Variants in SDK1 observed in about 807,000 individuals in gnomAD.
SDK1 encodes the protein protein sidekick-1.
Under a neutral mutation model 245.5 loss-of-function variants are expected in SDK1, and 157 were observed. The observed-to-expected ratio is 0.64, with a 90% CI of 0.56 to 0.73. SDK1 has a LOEUF of 0.73. Ranked by LOEUF, SDK1 falls within the 30% of genes least tolerant of loss-of-function variation. The pLI is 0.00. For missense variants in SDK1, 3,583 were observed against 3,002.3 expected (o/e 1.19, Z -4.52); for synonymous variants, 1,647 against 1,278.5 (o/e 1.29, Z -6.15).
At chr7:3,950,739 A>G (rs1263292095) in intron 5 of SDK1, among the ~76,000 whole-genome samples, 184 bp from the exon 6 acceptor site, 2 of 152,154 alleles carry the variant, frequency 1.3e-5, no homozygotes, top group East Asian at 1.9e-4. Flanking sequence ...CTTTTGCACC[A>G]TCATAAAGTT....
At chr7:3,436,258 A>G (rs1398564020) in intron 1 of SDK1, among the ~76,000 whole-genome samples, 1 of 152,158 alleles carries the variant, frequency 6.6e-6, no homozygotes, top group African/African-American at 2.4e-5. Context: ...CTGACTTTAG[A>G]AAACTTTTTA....
rs186756685 is a variant in SDK1, at chr7:3,814,167, T to G, written c.714-7283T>G. Among the ~76,000 whole-genome samples, 264 of 151,116 alleles carry G rather than the reference T, an allele frequency of 1.7e-3. 2 individuals are homozygous for G. Among genetic ancestry groups the G allele is most frequent in the African/African-American group, 6.3e-3 (258 of 40,886 alleles). On this transcript the variant is annotated intron_variant, in intron 4 of 44. Coordinates refer to ENST00000404826, the MANE Select transcript of SDK1 (RefSeq NM_152744.4). ...TTTTGTTGCCATTGCTTTTGCTGTT[T>G]TGGACATAAAGTCCTTGCCCATGCC...
At chr7:3,679,198 A>C (rs1391992357) in intron 4 of SDK1, among the ~76,000 whole-genome samples, 1 of 152,240 alleles carries the variant, frequency 6.6e-6, no homozygotes, top group Non-Finnish European at 1.5e-5. Flanking sequence ...TGCCAGCCAC[A>C]TGTCTTTCAA....
In SDK1 at chr7:3,479,255, C is replaced by T. The variant is rs1223580532; in HGVS notation, c.299-139825C>T. On this transcript the variant is annotated intron_variant, in intron 1 of 44. Coordinates refer to ENST00000404826, the MANE Select transcript of SDK1 (RefSeq NM_152744.4). ...TGGCCAACGTGGCAAAACCCCGTCT[C>T]TACCAAAAACATAAAAATTAGCCAG... Among the ~76,000 whole-genome samples, 3 of 151,762 alleles carry T rather than the reference C, an allele frequency of 2.0e-5. No homozygotes were observed. In the South Asian group the frequency reaches 6.3e-4, roughly 32 times the overall value.
At chr7:3,840,451 G>C (rs2115086975) in intron 5 of SDK1, among the ~76,000 whole-genome samples, 1 of 152,278 alleles carries the variant, frequency 6.6e-6, no homozygotes, top group East Asian at 1.9e-4. Context: ...TACACAGCCA[G>C]GGTTGTGAAT....
chr7:3,383,835 A>G (rs1781547375), intron 1 of SDK1, among the ~76,000 whole-genome samples: 1 of 152,222 alleles, frequency 6.6e-6, no homozygotes, highest in Admixed American at 6.5e-5. Context: ...GGTCTCATCC[A>G]AAGGACAACA....
intron 14 of SDK1, among the ~76,000 whole-genome samples, chr7:3,988,476 C>T (rs920287657): frequency 6.6e-6 from 1 of 152,172 alleles, no homozygotes; most frequent in African/African-American, 2.4e-5. Context: ...ACTCCCCTGT[C>T]CACGTCCTGC....
chr7:3,878,214 G>C (rs1439827925), intron 5 of SDK1, among the ~76,000 whole-genome samples: 1 of 152,100 alleles, frequency 6.6e-6, no homozygotes, highest in African/African-American at 2.4e-5. Context: ...AAACTCAGTT[G>C]TTTAAAAAAT....
At chr7:3,390,335 C>T (rs749136134) in intron 1 of SDK1, among the ~76,000 whole-genome samples, 2 of 152,124 alleles carry the variant, frequency 1.3e-5, no homozygotes, top group Non-Finnish European at 1.5e-5. Flanking sequence ...TTTAGCTTTG[C>T]TCATCAGCCT....
chr7:3,582,470 C>T (rs184022341), intron 1 of SDK1, among the ~76,000 whole-genome samples: 1 of 146,528 alleles, frequency 6.8e-6, no homozygotes, highest in African/African-American at 2.5e-5. Flanking sequence ...GTAGGTCTGT[C>T]TCAGGTAGGT....
rs548508238 is a variant in SDK1 at position 4,174,167 on chromosome 7, A to T, written c.4801-55A>T. The T allele has an allele frequency of 2.3e-5, 37 of 1,597,492 alleles. No homozygotes were observed. In the East Asian group the frequency reaches 7.6e-4, roughly 33 times the overall value. ...CAGGGGTGGAGGTGAGCCCTGCTGC[A>T]GGCCAGCTGGGTTGACTCCCATGGT... On this transcript the variant is annotated intron_variant, in intron 32 of 44. Transcript: ENST00000404826.
At chr7:3,786,859 C>T (rs112252983) in intron 4 of SDK1, among the ~76,000 whole-genome samples, 3 of 152,202 alleles carry the variant, frequency 2.0e-5, no homozygotes, top group African/African-American at 7.2e-5. Flanking sequence ...CTCCCTTTGG[C>T]TCCTGCAGCT....
intron 1 of SDK1, among the ~76,000 whole-genome samples, chr7:3,473,672 G>A (rs1031706698): frequency 3.9e-5 from 5 of 127,712 alleles, no homozygotes; most frequent in African/African-American, 1.3e-4. Flanking sequence ...AATACATCTT[G>A]AATTATTTTT....
chr7:4,088,983 C>T (rs531936306), intron 22 of SDK1, among the ~76,000 whole-genome samples: 11 of 150,310 alleles, frequency 7.3e-5, no homozygotes, highest in Admixed American at 2.0e-4. Context: ...GAGGTGAGAC[C>T]CTCCCTCAGG....
At chr7:3,416,617 C>T (rs937808582) in intron 1 of SDK1, among the ~76,000 whole-genome samples, 1 of 152,070 alleles carries the variant, frequency 6.6e-6, no homozygotes, top group African/African-American at 2.4e-5. Context: ...TCTTCTAGTC[C>T]AGCCTTTGCC....
rs1780726442 is a variant in SDK1, at chr7:3,949,804, CA to C, written c.848-1113del. Among the ~76,000 whole-genome samples the C allele has an allele frequency of 3.9e-5, 6 of 152,130 alleles. No homozygotes were observed. In the South Asian group the frequency reaches 1.2e-3, roughly 32 times the overall value. ...GATAAATTATTTATAGTTTGATACT[CA>C]AAAAACATAGATTCAGGATATTTAC... On this transcript the variant is annotated intron_variant, in intron 5 of 44. Coordinates refer to ENST00000404826, the MANE Select transcript of SDK1 (RefSeq NM_152744.4).
intron 1 of SDK1, among the ~76,000 whole-genome samples, chr7:3,529,209 GAC>G (rs1783258161): frequency 6.6e-6 from 1 of 152,106 alleles, no homozygotes; most frequent in Admixed American, 6.5e-5. Context: ...ATAATATAGA[GAC>G]ACACTCATAT....
chr7:4,252,625 A>C (rs1787379023), intron 44 of SDK1, among the ~76,000 whole-genome samples: 1 of 151,954 alleles, frequency 6.6e-6, no homozygotes, highest in South Asian at 2.1e-4. Context: ...TACTTGTCTT[A>C]TTTATCTTTG....
chr7:3,675,787 C>A (rs1480815544), intron 4 of SDK1, among the ~76,000 whole-genome samples: 1 of 152,122 alleles, frequency 6.6e-6, no homozygotes, highest in Non-Finnish European at 1.5e-5. Context: ...CCTTGGCCTC[C>A]CAAAGTTCTG....
Sources: gnomAD v4.1 joint callset for allele counts (sites outside exome capture counted in the v4.1 genomes callset) on GRCh38, gnomAD v4.1.1 for gene constraint, MANE v1.5 for transcripts, NCBI Gene and HGNC (gene_info 2026-07-23, HGNC 2026-07-21) for gene names.